ZMYND12: variants seen among roughly 807,000 people sequenced by gnomAD.
ZMYND12 encodes zinc finger MYND domain-containing protein 12.
Under a neutral mutation model 41.7 loss-of-function variants are expected in ZMYND12, and 32 were observed. The ratio of observed to expected loss-of-function variants is 0.77; its 90% CI spans 0.58 to 1.03. The LOEUF (loss-of-function observed/expected upper bound fraction) is 1.03, where lower values mean the gene tolerates loss of function less well. Ranked by LOEUF, ZMYND12 falls within the 50% of genes least tolerant of loss-of-function variation. The pLI is 0.00. For synonymous variants in ZMYND12, 148 were observed against 164.8 expected, an observed-to-expected ratio of 0.90 and a Z score of 0.78; for missense variants, 424 against 438.5, an observed-to-expected ratio of 0.97 and a Z score of 0.30.
intron 1 of ZMYND12, among the ~76,000 whole-genome samples, chr1:42,452,675 C>G (rs1643094774): frequency 1.3e-5 from 2 of 152,024 alleles, no homozygotes; most frequent in Admixed American, 6.6e-5. Flanking sequence ...TGCGCTCCAG[C>G]CTGGGTGACA....
At chr1:42,448,702 T>C in intron 2 of ZMYND12, 64 bp from the exon 3 acceptor site, 2 of 1,510,814 alleles carry the variant, frequency 1.3e-6, no homozygotes, top group Non-Finnish European at 8.9e-7. Context: ...TGGATGTAGA[T>C]GGCCCTGGGG....
intron 3 of ZMYND12, among the ~76,000 whole-genome samples, chr1:42,443,409 T>C (rs1417290019): frequency 6.6e-6 from 1 of 152,096 alleles, no homozygotes; most frequent in East Asian, 1.9e-4. Flanking sequence ...GTGTATGGAA[T>C]TGGGAAAGGA....
At chr1:42,454,797 G>A (rs1569581536) in intron 1 of ZMYND12, among the ~76,000 whole-genome samples, 2 of 150,952 alleles carry the variant, frequency 1.3e-5, no homozygotes, top group South Asian at 2.1e-4. Context: ...TCCGCCTCCC[G>A]GGTTCAAACG....
intron 3 of ZMYND12, among the ~76,000 whole-genome samples, chr1:42,443,539 G>A (rs1642991426): frequency 6.6e-6 from 1 of 152,174 alleles, no homozygotes; most frequent in Non-Finnish European, 1.5e-5. Context: ...TGATGAAAGT[G>A]AAGGAATGCA....
At position 42,435,313 on chromosome 1, in the gene ZMYND12, C is replaced by A; in HGVS notation, c.790G>T (p.Asp264Tyr). ...TTCTCAAATAGTTTGCCCAGTAAAT[C>A]CATTTGTTGGATGTGAGCCTGTGAG... is the stretch of plus-strand genomic sequence containing the variant. ...VLSQAHIQQM[D>Y]LLGKLFENDT... The change falls in exon 6 of 8, where the codon GAT becomes TAT. Residue 264 changes from aspartate (D) to tyrosine (Y), a missense_variant. Transcript: ENST00000372565. 1 of 1,614,112 alleles carries A rather than the reference C, an allele frequency of 6.2e-7. No individual in the cohort carries two copies. The highest frequency in any genetic ancestry group is 8.5e-7 in the Non-Finnish European group (1 of 1,179,970).
chr1:42,432,815 G>T (rs984056012), intron 7 of ZMYND12: 6 of 244,782 alleles, frequency 2.5e-5, no homozygotes, highest in African/African-American at 1.4e-4. Flanking sequence ...CAGCAACAGG[G>T]AACTCAGTAA....
intron 1 of ZMYND12, 147 bp downstream of exon 1, chr1:42,455,741 G>A: frequency 1.7e-6 from 1 of 599,170 alleles, no homozygotes; most frequent in South Asian, 2.0e-5. Flanking sequence ...CGAGGCCACG[G>A]GAGTCTTAGG....
chr1:42,448,667 G>C (rs367703949), intron 2 of ZMYND12, 29 bp from the exon 3 acceptor site: 5 of 1,578,790 alleles, frequency 3.2e-6, no homozygotes, highest in East Asian at 2.3e-5. Context: ...GACTATCTGA[G>C]ACAGTCTAAA....
rs72950585 is a variant in ZMYND12, at chr1:42,455,865, A to G, written c.110+23T>C. 12,189 of 1,572,202 alleles carry G rather than the reference A, an allele frequency of 7.8e-3. 815 individuals carry two copies. In the African/African-American group the frequency reaches 0.14, roughly 18 times the overall value. ...AGAGAGGGAGGGAGTTATAGCGCCC[A>G]GGTGCCACGTTTCAGGGCCTACCAG... On this transcript the variant is annotated intron_variant, in intron 1 of 7. Transcript: ENST00000372565.
intron 4 of ZMYND12, among the ~76,000 whole-genome samples, chr1:42,437,936 A>G (rs1176349344): frequency 6.6e-6 from 1 of 152,188 alleles, no homozygotes; most frequent in Non-Finnish European, 1.5e-5. Flanking sequence ...TCGGCCTCCC[A>G]GAGTGCTGGG....
intron 6 of ZMYND12, 133 bp from the exon 7 acceptor site, chr1:42,433,421 A>C: frequency 9.3e-7 from 1 of 1,070,048 alleles, no homozygotes; most frequent in Non-Finnish European, 1.3e-6. Flanking sequence ...AGCACCAATT[A>C]CAGCAAGTTT....
At chr1:42,453,658 A>T (rs1479300145) in intron 1 of ZMYND12, among the ~76,000 whole-genome samples, 1 of 152,208 alleles carries the variant, frequency 6.6e-6, no homozygotes, top group Non-Finnish European at 1.5e-5. Context: ...TGTTTTAAGG[A>T]AAAAGTCAGT....
intron 1 of ZMYND12, among the ~76,000 whole-genome samples, chr1:42,451,529 T>C (rs907985378): frequency 6.6e-6 from 1 of 152,220 alleles, no homozygotes; most frequent in African/African-American, 2.4e-5. Context: ...TTGAGAGCTA[T>C]AGGATCTCTG....
chr1:42,448,424 C>G (rs1570355153), intron 3 of ZMYND12, 43 bp downstream of exon 3: 1 of 1,503,778 alleles, frequency 6.6e-7, no homozygotes. Flanking sequence ...CCAAACATAA[C>G]ACCACTTAAG....
chr1:42,453,434 G>A (rs76274762), intron 1 of ZMYND12, among the ~76,000 whole-genome samples: 1,726 of 152,102 alleles, frequency 0.011, 30 homozygotes, highest in African/African-American at 0.04. Context: ...ATGACAGGTC[G>A]GACATAGATC....
At chr1:42,445,011 T>C (rs1643008141) in intron 3 of ZMYND12, among the ~76,000 whole-genome samples, 1 of 151,620 alleles carries the variant, frequency 6.6e-6, no homozygotes, top group East Asian at 2.0e-4. Flanking sequence ...GGTTTCACCG[T>C]GTTCGCCAGG....
chr1:42,444,455 T>A (rs1313131294), intron 3 of ZMYND12, among the ~76,000 whole-genome samples: 1 of 152,200 alleles, frequency 6.6e-6, no homozygotes, highest in Non-Finnish European at 1.5e-5. Flanking sequence ...ACTGTGAAGT[T>A]ACAGTGAAAT....
chr1:42,440,263 T>A (rs549047239), intron 3 of ZMYND12, among the ~76,000 whole-genome samples: 140 of 151,962 alleles, frequency 9.2e-4, no homozygotes, highest in African/African-American at 3.3e-3. Context: ...CATCTCCATC[T>A]CCATCTCCAT....
At chr1:42,451,310 TTCTG>T (rs1235914049) in intron 1 of ZMYND12, among the ~76,000 whole-genome samples, 3 of 152,210 alleles carry the variant, frequency 2.0e-5, no homozygotes, top group African/African-American at 4.8e-5. Context: ...TTCTCCCCAG[TTCTG>T]TCTGTTTTTG....
Sources: allele counts gnomAD v4.1 joint callset (sites outside exome capture counted in the v4.1 genomes callset), GRCh38; gene constraint gnomAD v4.1.1; transcripts MANE v1.5; gene names NCBI Gene and HGNC (gene_info 2026-07-23, HGNC 2026-07-21).